Variants in ERBB4 observed in about 807,000 individuals in gnomAD.
ERBB4 encodes receptor tyrosine-protein kinase erbB-4.
Under a neutral mutation model 158.0 loss-of-function variants are expected in ERBB4, and 42 were observed. The observed-to-expected ratio is 0.27, with a 90% CI of 0.21 to 0.34. The LOEUF (loss-of-function observed/expected upper bound fraction) is 0.34, where lower values mean the gene tolerates loss of function less well. Ranked by LOEUF, ERBB4 falls within the 10% of genes least tolerant of loss-of-function variation. ERBB4 has a pLI of 1.00. For synonymous variants in ERBB4, 583 were observed against 558.7 expected (o/e 1.04, Z -0.61); for missense variants, 1,333 against 1,624.1 (o/e 0.82, Z 3.08).
intron 20 of ERBB4, among the ~76,000 whole-genome samples, chr2:211,488,384 T>C (rs1324240386): frequency 6.6e-6 from 1 of 152,140 alleles, no homozygotes; most frequent in Non-Finnish European, 1.5e-5. Context: ...TCATTAGATC[T>C]TTAAGCTTCA....
intron 3 of ERBB4, among the ~76,000 whole-genome samples, chr2:211,815,513 G>A (rs924695886): frequency 2.0e-5 from 3 of 152,118 alleles, no homozygotes; most frequent in African/African-American, 7.2e-5. Flanking sequence ...ATAAAAAGGA[G>A]ATTTTTTTTC....
At chr2:212,401,464 G>T (rs1467270034) in intron 1 of ERBB4, among the ~76,000 whole-genome samples, 1 of 152,022 alleles carries the variant, frequency 6.6e-6, no homozygotes, top group Non-Finnish European at 1.5e-5. Flanking sequence ...AAATACAAGT[G>T]CTTTGAAAAA....
intron 2 of ERBB4, among the ~76,000 whole-genome samples, chr2:211,976,156 C>T (rs964343644): frequency 6.6e-6 from 1 of 152,024 alleles, no homozygotes; most frequent in African/African-American, 2.4e-5. Context: ...TTCTTTGCAT[C>T]AGTTATTCCA....
chr2:211,955,452 C>T (rs1324136446), intron 2 of ERBB4, among the ~76,000 whole-genome samples: 1 of 152,048 alleles, frequency 6.6e-6, no homozygotes, highest in African/African-American at 2.4e-5. Context: ...ATTGATTCTT[C>T]ATCTCCTGAC....
chr2:212,448,759 C>G (rs1318083159), intron 1 of ERBB4, among the ~76,000 whole-genome samples: 1 of 152,094 alleles, frequency 6.6e-6, no homozygotes, highest in Non-Finnish European at 1.5e-5. Flanking sequence ...AAAAAACTTA[C>G]ATGATACTAG....
intron 2 of ERBB4, among the ~76,000 whole-genome samples, chr2:211,984,217 G>A (rs891921563): frequency 2.0e-5 from 3 of 151,998 alleles, no homozygotes; most frequent in African/African-American, 7.2e-5. Context: ...TCTTTTATAG[G>A]AGCACTTATG....
At position 211,707,921 on chromosome 2, in the gene ERBB4, T is replaced by G. The variant is rs146916061; in HGVS notation, c.1125-2530A>C. Reference sequence around the variant, plus strand: ...TCATTAAATTATTATTTTTGCATTTTATCAGTTAAAAACATCTCAGCTATT... The same window carrying G: ...TCATTAAATTATTATTTTTGCATTTGATCAGTTAAAAACATCTCAGCTATT... On this transcript the variant is annotated intron_variant, in intron 9 of 27. Transcript: ENST00000342788. Among the ~76,000 whole-genome samples, 583 of 152,320 alleles carry G rather than the reference T, an allele frequency of 3.8e-3. 7 individuals are homozygous for G. Among genetic ancestry groups the G allele is most frequent in the African/African-American group, 0.014 (568 of 41,592 alleles).
At chr2:212,264,593 T>C (rs147367683) in intron 1 of ERBB4, among the ~76,000 whole-genome samples, 47 of 152,238 alleles carry the variant, frequency 3.1e-4, no homozygotes, top group African/African-American at 1.1e-3. Context: ...CTAGGCATTG[T>C]CATTCTGCTT....
At chr2:211,921,161 C>G (rs563011451) in intron 3 of ERBB4, among the ~76,000 whole-genome samples, 34 of 152,116 alleles carry the variant, frequency 2.2e-4, no homozygotes, top group African/African-American at 7.7e-4. Flanking sequence ...CTACAAATTA[C>G]TAAGATTGGT....
chr2:211,434,003 A>T (rs767840120), intron 20 of ERBB4, among the ~76,000 whole-genome samples: 3 of 152,230 alleles, frequency 2.0e-5, no homozygotes, highest in African/African-American at 4.8e-5. Flanking sequence ...TATAAAGAGG[A>T]TAATATCAAG....
intron 1 of ERBB4, among the ~76,000 whole-genome samples, chr2:212,388,407 G>A (rs1248942669): frequency 1.3e-5 from 2 of 152,100 alleles, no homozygotes; most frequent in Non-Finnish European, 2.9e-5. Flanking sequence ...CTAAATAGGA[G>A]GATCTTGAAG....
At chr2:212,158,455 T>A (rs1462199414) in intron 1 of ERBB4, among the ~76,000 whole-genome samples, 1 of 151,920 alleles carries the variant, frequency 6.6e-6, no homozygotes, top group Non-Finnish European at 1.5e-5. Context: ...TTACCAAAAG[T>A]TCCCTACCCC....
Position 212,293,854 on chromosome 2 carries a change from A to C in ERBB4, c.83-168951T>G, listed in dbSNP as rs184597774. Among the ~76,000 whole-genome samples, 751 of 138,208 alleles carry C rather than the reference A, an allele frequency of 5.4e-3. 10 individuals carry two copies. Among genetic ancestry groups the C allele is most frequent in the Middle Eastern group, 0.019 (5 of 264 alleles). The allele number at this position is 138,208 out of a possible 152,430, so 90.7% of individuals were successfully genotyped here. ...CAGAGGAAGACTCTGTCTCAAAAAAAAAAACAAAAAAAAAAAAAACATACA... is the reference window on the plus strand; with the variant it reads ...CAGAGGAAGACTCTGTCTCAAAAAACAAAACAAAAAAAAAAAAAACATACA... On this transcript the variant is annotated intron_variant, in intron 1 of 27. Coordinates refer to ENST00000342788, the MANE Select transcript of ERBB4 (RefSeq NM_005235.3).
At chr2:212,496,578 T>C (rs937542189) in intron 1 of ERBB4, among the ~76,000 whole-genome samples, 7 of 152,228 alleles carry the variant, frequency 4.6e-5, no homozygotes, top group Admixed American at 2.6e-4. Flanking sequence ...ACACATATTA[T>C]AATGGGAGAC....
chr2:211,802,851 T>C (rs921107699), intron 3 of ERBB4, among the ~76,000 whole-genome samples: 1 of 152,200 alleles, frequency 6.6e-6, no homozygotes, highest in African/African-American at 2.4e-5. Flanking sequence ...GAGGGAGAAC[T>C]CTGTGAAAGC....
At chr2:212,373,869 A>G (rs1294697368) in intron 1 of ERBB4, among the ~76,000 whole-genome samples, 5 of 124,170 alleles carry the variant, frequency 4.0e-5, no homozygotes, top group Admixed American at 8.6e-5. Flanking sequence ...ATATCCATAT[A>G]TATATATCCA....
intron 16 of ERBB4, among the ~76,000 whole-genome samples, chr2:211,639,411 G>T (rs1036105736): frequency 6.6e-6 from 1 of 152,140 alleles, no homozygotes; most frequent in African/African-American, 2.4e-5. Flanking sequence ...TGTTCAGCAT[G>T]CTAAGTAATT....
chr2:212,454,731 A>C (rs1323890295), intron 1 of ERBB4, among the ~76,000 whole-genome samples: 1 of 152,190 alleles, frequency 6.6e-6, no homozygotes, highest in Non-Finnish European at 1.5e-5. Flanking sequence ...AATAGGACCA[A>C]TGTAATCAAG....
chr2:211,561,904 T>C lies in ERBB4; in HGVS notation c.2486A>G (p.Lys829Arg). 2 of 1,613,728 alleles carry C rather than the reference T, an allele frequency of 1.2e-6. No homozygotes were observed. Among genetic ancestry groups the C allele is most frequent in the Non-Finnish European group, 1.7e-6 (2 of 1,179,796 alleles). Reference protein sequence around the residue: ...LLLNWCVQIAKGMMYLEERRL... With the variant: ...LLLNWCVQIARGMMYLEERRL... Reference sequence around the variant, plus strand: ...CCATAGAAATTGACAGGCACTTACCTTAGCTATCTGGACACACCAGTTAAG... The same window carrying C: ...CCATAGAAATTGACAGGCACTTACCCTAGCTATCTGGACACACCAGTTAAG... Residue 829 changes from lysine (K) to arginine (R), a missense_variant and splice_region_variant, in exon 20 of 28, where the codon AAG (lysine) becomes AGG (arginine). Coordinates refer to ENST00000342788, the MANE Select transcript of ERBB4 (RefSeq NM_005235.3).
Sources: allele counts gnomAD v4.1 joint callset (sites outside exome capture counted in the v4.1 genomes callset), GRCh38; gene constraint gnomAD v4.1.1; transcripts MANE v1.5; gene names NCBI Gene and HGNC (gene_info 2026-07-23, HGNC 2026-07-21).